The following NDOR1 variants were observed in gnomAD, a reference collection of about 807,000 sequenced individuals.
The protein encoded by NDOR1 is NADPH dependent diflavin oxidoreductase 1.
Under a neutral mutation model 67.2 loss-of-function variants are expected in NDOR1, and 61 were observed. That is an observed-to-expected ratio of 0.91 (90% CI 0.74 to 1.12). The LOEUF (loss-of-function observed/expected upper bound fraction) is 1.12. Among genes scored for constraint, NDOR1 ranks in the 50% most tolerant of loss-of-function variants. NDOR1 has a pLI of 0.00. For synonymous variants in NDOR1, 378 were observed against 343.7 expected, an observed-to-expected ratio of 1.10 and a Z score of -1.10; for missense variants, 878 against 802.8, an observed-to-expected ratio of 1.09 and a Z score of -1.13.
rs749903439 is a variant in NDOR1, at chr9:137,217,722, T to A, written c.*1306T>A. ...CAGAGCTCTGGTGGAGCCCAGACCC[T>A]GCCTTCCCTGAGGGCCGCCCCTGTC... On this transcript the variant is annotated 3_prime_UTR_variant, in exon 14 of 14. Coordinates refer to ENST00000684003, the MANE Select transcript of NDOR1 (RefSeq NM_014434.4). 5.6e-6 allele frequency: 2 copies of A among 359,440 alleles called. No homozygotes were observed. The highest frequency in any genetic ancestry group is 9.9e-6 in the Non-Finnish European group (2 of 201,312). 22.3% of individuals were successfully genotyped at this position (359,440 alleles called of 1,614,324 possible). A position where few individuals can be genotyped will look rare whatever the true frequency, so the allele number is the denominator to read the frequency against.
At chr9:137,206,350 G>T in intron 2 of NDOR1, 41 bp downstream of exon 2, 3 of 1,599,270 alleles carry the variant, frequency 1.9e-6, no homozygotes, top group Admixed American at 1.7e-5. Context: ...CCCTGCCCTC[G>T]ACCCTCACCC....
rs767121229 is a variant in NDOR1, at chr9:137,215,461, C to T, written c.1228C>T (p.Leu410Phe). The change falls in exon 10 of 14, where the codon CTC becomes TTC. Residue 410 changes from leucine (L) to phenylalanine (F), a missense_variant. Coordinates refer to ENST00000684003, the MANE Select transcript of NDOR1 (RefSeq NM_014434.4). ...GGCTGTAGTGCAGTTCCAGACTCGC[C>T]TCAAGGAGCCCCGCCGGGGCCTCTG... ...LVAVVQFQTRLKEPRRGLCSS... is the reference protein window; with the variant it reads ...LVAVVQFQTRFKEPRRGLCSS... 6.2e-7 allele frequency: 1 copy of T among 1,613,514 alleles called. No homozygotes were observed. Among genetic ancestry groups the T allele is most frequent in the Non-Finnish European group, 8.5e-7 (1 of 1,180,000 alleles).
intron 2 of NDOR1, among the ~76,000 whole-genome samples, chr9:137,207,861 C>T (rs1034080848): frequency 2.0e-5 from 3 of 152,062 alleles, no homozygotes; most frequent in Middle Eastern, 3.2e-3. Flanking sequence ...GTCTTGAGTG[C>T]GGGCCGGCTG....
chr9:137,210,678 A>G (rs897093353), intron 2 of NDOR1, among the ~76,000 whole-genome samples: 6 of 152,174 alleles, frequency 3.9e-5, no homozygotes, highest in African/African-American at 1.4e-4. Flanking sequence ...CCCAGTCTCT[A>G]CAAACAAAAT....
rs1835660528 is a variant in NDOR1 at position 137,217,290 on chromosome 9, T to C, written c.*874T>C. 6.6e-6 allele frequency among the ~76,000 whole-genome samples: 1 copy of C among 152,112 alleles called. No individual in the cohort carries two copies. Among genetic ancestry groups the C allele is most frequent in the African/African-American group, 2.4e-5 (1 of 41,418 alleles). On this transcript the variant is annotated 3_prime_UTR_variant, in exon 14 of 14. Transcript: ENST00000684003. ...CCTGACTGCCTCGTTCTTAAGGGCA[T>C]AGTGGGTCGGCTAAGATCTGATCGC...
chr9:137,209,328 G>T (rs565463910), intron 2 of NDOR1, among the ~76,000 whole-genome samples: 26 of 152,260 alleles, frequency 1.7e-4, no homozygotes, highest in African/African-American at 6.0e-4. Flanking sequence ...GAAGAGAAGG[G>T]GTTTCAGAGT....
intron 3 of NDOR1, 76 bp from the exon 4 acceptor site, chr9:137,213,704 C>T (rs893949898): frequency 1.9e-5 from 27 of 1,442,782 alleles, no homozygotes; most frequent in African/African-American, 1.6e-4. Context: ...GGGCTCCACT[C>T]TCCCGGGTTC....
At position 137,213,539 on chromosome 9, in the gene NDOR1, T is replaced by G. The variant is rs141130315; in HGVS notation, c.312-241T>G. ...TGCTCCCACCCACACAGGCTCATTC[T>G]CTGCGAGCAGAGGACCTGCTGCTTG... On this transcript the variant is annotated intron_variant, in intron 3 of 13. Transcript: ENST00000684003. Among the ~76,000 whole-genome samples, 36 of 152,270 alleles carry G rather than the reference T, an allele frequency of 2.4e-4. No individual in the cohort carries two copies. In the East Asian group the frequency reaches 6.8e-3, roughly 29 times the overall value.
chr9:137,205,865 C>T lies in NDOR1; in HGVS notation c.88C>T (p.Arg30Cys), dbSNP rs113809617. 1 of 1,600,666 alleles carries T rather than the reference C, an allele frequency of 6.2e-7. No homozygotes were observed. Among genetic ancestry groups the T allele is most frequent in the Non-Finnish European group, 8.5e-7 (1 of 1,178,272 alleles). Residue 30 changes from arginine to cysteine, a missense_variant, in exon 1 of 14, where the codon CGC becomes TGC. By Grantham distance (180) the Arg-to-Cys change is radical (BLOSUM62 -3). Coordinates refer to ENST00000684003, the MANE Select transcript of NDOR1 (RefSeq NM_014434.4). ...VSERLGREAR[R>C]RRLGCRVQAL... ...GGAGAGACTGGGTCGCGAGGCCCGG[C>T]GCCGGCGGCTTGGCTGCCGGGTGCA...
At chr9:137,211,084 T>C (rs2131369066) in intron 2 of NDOR1, among the ~76,000 whole-genome samples, 1 of 152,296 alleles carries the variant, frequency 6.6e-6, no homozygotes, top group African/African-American at 2.4e-5. Flanking sequence ...GAGGTTGCGG[T>C]GAGCTGAGGT....
Position 137,215,889 on chromosome 9 carries a change from A to AT in NDOR1, c.1436-7dup, listed in dbSNP as rs754962428. ...GGACCTGTGGCCAAGAGCACCCTGT[A>AT]TTTCCCTAGGAAACTTCTTGTTTTT... On this transcript the variant is annotated splice_polypyrimidine_tract_variant and intron_variant, in intron 11 of 13. Coordinates refer to ENST00000684003, the MANE Select transcript of NDOR1 (RefSeq NM_014434.4). 5 of 1,613,222 alleles carry AT rather than the reference A, an allele frequency of 3.1e-6. No homozygotes were observed. The highest frequency in any genetic ancestry group is 2.5e-6 in the Non-Finnish European group (3 of 1,179,954).
At chr9:137,206,743 G>A (rs925849189) in intron 2 of NDOR1, among the ~76,000 whole-genome samples, 11 of 152,156 alleles carry the variant, frequency 7.2e-5, no homozygotes, top group Non-Finnish European at 8.8e-5. Context: ...AGCAGCTAAC[G>A]GGCAATGACA....
rs373390149 is a variant in NDOR1 at position 137,207,915 on chromosome 9, C to T, written c.213+1606C>T. Among the ~76,000 whole-genome samples the T allele has an allele frequency of 3.3e-5, 5 of 152,088 alleles. No homozygotes were observed. In the South Asian group the frequency reaches 6.2e-4, roughly 19 times the overall value. On this transcript the variant is annotated intron_variant, in intron 2 of 13. Transcript: ENST00000684003. The stretch of plus-strand genomic sequence containing the variant: ...ATCTCAGCACTTTGGGAGGCCGAGG[C>T]GGGCGAATCACGAGGTCAGGAGTTC...
In NDOR1 at chr9:137,214,905, G is replaced by C; in HGVS notation, c.952G>C (p.Ala318Pro). The change falls in exon 8 of 14, where the codon GCC (alanine) becomes CCC (proline). Residue 318 changes from alanine to proline, a missense_variant. Ala to Pro is a conservative substitution (Grantham distance 27). Transcript: ENST00000684003. ...VPRRSFFELL[A>P]CLSLHELERE... is the part of the protein sequence containing the mutation. ...TCGCCGCTCCTTCTTCGAACTCCTG[G>C]CCTGTCTATCCCTCCATGAGCTGGA... 6.2e-7 allele frequency: 1 copy of C among 1,612,746 alleles called. No individual in the cohort carries two copies. Among genetic ancestry groups the C allele is most frequent in the Non-Finnish European group, 8.5e-7 (1 of 1,180,034 alleles).
chr9:137,206,646 C>A (rs1691749181), intron 2 of NDOR1, among the ~76,000 whole-genome samples: 1 of 152,146 alleles, frequency 6.6e-6, no homozygotes, highest in Admixed American at 6.5e-5. Context: ...AGCACATATT[C>A]TATTCTTGGC....
At chr9:137,208,729 C>T (rs1031110854) in intron 2 of NDOR1, among the ~76,000 whole-genome samples, 26 of 151,366 alleles carry the variant, frequency 1.7e-4, no homozygotes, top group Non-Finnish European at 2.4e-4. Context: ...GAGGCTGAGG[C>T]GGGAGGAGCT....
intron 13 of NDOR1, 34 bp from the exon 14 acceptor site, chr9:137,216,238 G>A: frequency 1.2e-6 from 2 of 1,612,870 alleles, no homozygotes; most frequent in Non-Finnish European, 8.5e-7. Flanking sequence ...TGAGTGCCAG[G>A]CCTCATTGCG....
rs996496817 is a variant in NDOR1, at chr9:137,206,064, C to T, written c.135+152C>T. ...GGAAGGAGGTTTGGGAAGGGGAGTT[C>T]AGTTTAGCACCTGGAGGAGGTTGGA... On this transcript the variant is annotated intron_variant, in intron 1 of 13. Transcript: ENST00000684003. 19 of 1,460,276 alleles carry T rather than the reference C, an allele frequency of 1.3e-5. No individual in the cohort carries two copies. In the African/African-American group the frequency reaches 2.5e-4, roughly 19 times the overall value. The allele number at this position is 1,460,276 out of a possible 1,614,324, so 90.5% of individuals were successfully genotyped here.
chr9:137,205,976 T>A (rs1588785228), intron 1 of NDOR1, 64 bp downstream of exon 1: 2 of 1,501,912 alleles, frequency 1.3e-6, no homozygotes, highest in Non-Finnish European at 1.8e-6. Context: ...CCTCGCGGGG[T>A]CATCGACCCA....
Sources: allele counts gnomAD v4.1 joint callset (sites outside exome capture counted in the v4.1 genomes callset), GRCh38; gene constraint gnomAD v4.1.1; transcripts MANE v1.5; gene names NCBI Gene and HGNC (gene_info 2026-07-23, HGNC 2026-07-21).